The following HLCS variants were observed in gnomAD, a reference collection of about 807,000 sequenced individuals.
HLCS encodes the protein biotin--protein ligase.
A neutral mutation model predicts 75.0 loss-of-function variants in HLCS; 53 were observed. The ratio of observed to expected loss-of-function variants is 0.71; its 90% CI spans 0.57 to 0.89. HLCS has a LOEUF of 0.89. Among genes scored for constraint, HLCS ranks in the 40% least tolerant of loss-of-function variants. HLCS has a pLI of 0.00. For missense variants in HLCS, 966 were observed against 1,074.0 expected, an observed-to-expected ratio of 0.90 and a Z score of 1.41; for synonymous variants, 431 against 428.6, an observed-to-expected ratio of 1.01 and a Z score of -0.07.
At chr21:36,862,180 A>T (rs987147670) in intron 6 of HLCS, among the ~76,000 whole-genome samples, 1 of 152,184 alleles carries the variant, frequency 6.6e-6, no homozygotes, top group Non-Finnish European at 1.5e-5. Context: ...CATTTTATTT[A>T]TCCATTCATC....
intron 10 of HLCS, among the ~76,000 whole-genome samples, chr21:36,754,902 T>A (rs1417726010): frequency 6.6e-6 from 1 of 152,208 alleles, no homozygotes; most frequent in Non-Finnish European, 1.5e-5. Context: ...GTCACGTCCT[T>A]CTTAACAGCT....
chr21:36,759,424 C>T lies in HLCS; in HGVS notation c.2236+303G>A, dbSNP rs116222192. 9.4e-3 allele frequency among the ~76,000 whole-genome samples: 1,424 copies of T among 152,246 alleles called. 22 individuals are homozygous for T. Among genetic ancestry groups the T allele is most frequent in the African/African-American group, 0.032 (1,329 of 41,536 alleles). ...TTCTTTTTCTTATTACAGAATAGAA[C>T]GTTAAATGTTTATTTTCACCATTTC... On this transcript the variant is annotated intron_variant, in intron 9 of 10. Transcript: ENST00000674895.
At chr21:36,763,449 G>T (rs1244950715) in intron 8 of HLCS, among the ~76,000 whole-genome samples, 1 of 152,196 alleles carries the variant, frequency 6.6e-6, no homozygotes, top group African/African-American at 2.4e-5. Flanking sequence ...GGTAGTAAGC[G>T]TCCGTTTCAG....
At chr21:36,815,995 T>C (rs926741679) in intron 6 of HLCS, among the ~76,000 whole-genome samples, 1 of 152,170 alleles carries the variant, frequency 6.6e-6, no homozygotes, top group Non-Finnish European at 1.5e-5. Flanking sequence ...AGTCATCTAG[T>C]CAAATGTGGA....
At chr21:36,766,144 C>T (rs1013663405) in intron 7 of HLCS, among the ~76,000 whole-genome samples, 3 of 152,130 alleles carry the variant, frequency 2.0e-5, no homozygotes, top group Non-Finnish European at 4.4e-5. Flanking sequence ...CCACCTCAGG[C>T]TCCCAAGTAG....
chr21:36,886,629 C>T (rs2064477912), intron 6 of HLCS, among the ~76,000 whole-genome samples: 1 of 152,102 alleles, frequency 6.6e-6, no homozygotes, highest in African/African-American at 2.4e-5. Context: ...TGATACTCAA[C>T]TGCAATGGAT....
At chr21:36,915,263 C>G (rs1190375915) in intron 5 of HLCS, among the ~76,000 whole-genome samples, 4 of 152,260 alleles carry the variant, frequency 2.6e-5, no homozygotes, top group African/African-American at 9.6e-5. Flanking sequence ...GAACATCTCT[C>G]TCTGGTAAAA....
At chr21:36,837,973 A>C (rs1280410383) in intron 6 of HLCS, among the ~76,000 whole-genome samples, 1 of 152,234 alleles carries the variant, frequency 6.6e-6, no homozygotes, top group Non-Finnish European at 1.5e-5. Context: ...ACACTTGATA[A>C]GTTTCCCAAG....
chr21:36,904,474 T>G (rs1177888201), intron 5 of HLCS, among the ~76,000 whole-genome samples: 1 of 152,198 alleles, frequency 6.6e-6, no homozygotes, highest in East Asian at 1.9e-4. Flanking sequence ...CAGAACCAAG[T>G]GAATTACTCA....
chr21:36,768,741 C>A (rs370912439), intron 6 of HLCS, among the ~76,000 whole-genome samples: 145 of 152,378 alleles, frequency 9.5e-4, no homozygotes, highest in African/African-American at 3.3e-3. Context: ...AGAAGTATTT[C>A]TCTTGGACGC....
intron 6 of HLCS, among the ~76,000 whole-genome samples, chr21:36,824,510 C>T (rs1024742837): frequency 1.1e-4 from 17 of 152,158 alleles, no homozygotes; most frequent in Admixed American, 3.3e-4. Context: ...ACCCAAGTGA[C>T]GGATTAATAG....
At chr21:36,865,107 G>A (rs1048767667) in intron 6 of HLCS, among the ~76,000 whole-genome samples, 6 of 151,916 alleles carry the variant, frequency 3.9e-5, no homozygotes, top group Admixed American at 6.6e-5. Context: ...GTTGTGGGGC[G>A]GGGCAGGGTG....
chr21:36,773,485 C>T (rs2060268020), intron 6 of HLCS, among the ~76,000 whole-genome samples: 1 of 152,258 alleles, frequency 6.6e-6, no homozygotes, highest in Non-Finnish European at 1.5e-5. Flanking sequence ...AAGTCTGAGG[C>T]ATCGTGCCCT....
chr21:36,965,781 G>T (rs2068537223), intron 1 of HLCS, among the ~76,000 whole-genome samples: 1 of 151,298 alleles, frequency 6.6e-6, no homozygotes, highest in African/African-American at 2.4e-5. Flanking sequence ...ACCCAGACTG[G>T]AGTGCAATGG....
intron 7 of HLCS, among the ~76,000 whole-genome samples, chr21:36,766,117 G>A (rs2090021391): frequency 6.6e-6 from 1 of 152,096 alleles, no homozygotes; most frequent in Non-Finnish European, 1.5e-5. Flanking sequence ...ACAGCTCACT[G>A]GGCTCAAGTG....
chr21:36,760,529 G>A (rs143338369), intron 8 of HLCS, among the ~76,000 whole-genome samples: 7,214 of 151,434 alleles, frequency 0.048, 252 homozygotes, highest in Non-Finnish European at 0.07. Context: ...AGAATTGTGC[G>A]AACCCGGGAG....
intron 6 of HLCS, among the ~76,000 whole-genome samples, chr21:36,878,871 CTT>C (rs2064089607): frequency 6.6e-6 from 1 of 152,140 alleles, no homozygotes; most frequent in African/African-American, 2.4e-5. Context: ...AATTAGGGCT[CTT>C]AACACAGATA....
At chr21:36,940,373 C>A (rs947892956) in intron 2 of HLCS, among the ~76,000 whole-genome samples, 2 of 151,946 alleles carry the variant, frequency 1.3e-5, no homozygotes, top group Non-Finnish European at 2.9e-5. Flanking sequence ...GATGAGTACT[C>A]GCTCTATCAC....
chr21:36,919,108 G>T (rs1323846249), intron 5 of HLCS, among the ~76,000 whole-genome samples: 5 of 152,156 alleles, frequency 3.3e-5, no homozygotes, highest in Admixed American at 1.3e-4. Context: ...AACAGTATCT[G>T]GGAATTCCTT....
Sources: gnomAD v4.1 joint callset for allele counts (sites outside exome capture counted in the v4.1 genomes callset) on GRCh38, gnomAD v4.1.1 for gene constraint, MANE v1.5 for transcripts, NCBI Gene and HGNC (gene_info 2026-07-23, HGNC 2026-07-21) for gene names.